DCC: variants seen among roughly 807,000 people sequenced by gnomAD.
DCC encodes netrin receptor DCC.
In DCC, 58 loss-of-function variants were observed where a neutral mutation model predicts 172.5. The observed-to-expected ratio is 0.34, with a 90% CI of 0.27 to 0.42. The LOEUF (loss-of-function observed/expected upper bound fraction) is 0.42. Ranked by LOEUF, DCC falls within the 10% of genes least tolerant of loss-of-function variation. The pLI is 1.00. For synonymous variants in DCC, 709 were observed against 644.5 expected (o/e 1.10, Z -1.52); for missense variants, 1,740 against 1,791.0 (o/e 0.97, Z 0.51).
At chr18:52,549,045 G>C (rs932031148) in intron 1 of DCC, among the ~76,000 whole-genome samples, 1 of 151,944 alleles carries the variant, frequency 6.6e-6, no homozygotes, top group Non-Finnish European at 1.5e-5. Flanking sequence ...GTGATTAGAG[G>C]AGATTAAGAT....
intron 1 of DCC, among the ~76,000 whole-genome samples, chr18:52,719,949 C>G (rs1370412827): frequency 1.3e-5 from 2 of 151,990 alleles, no homozygotes; most frequent in Non-Finnish European, 2.9e-5. Flanking sequence ...ATTTGGGGGT[C>G]CCTTCAACAA....
At chr18:53,007,185 CTT>C (rs1458307949) in intron 5 of DCC, among the ~76,000 whole-genome samples, 1 of 152,122 alleles carries the variant, frequency 6.6e-6, no homozygotes, top group Non-Finnish European at 1.5e-5. Flanking sequence ...AATATCTAGT[CTT>C]TGTTGGAAAA....
At chr18:52,883,290 T>A (rs2039513994) in intron 2 of DCC, among the ~76,000 whole-genome samples, 1 of 151,882 alleles carries the variant, frequency 6.6e-6, no homozygotes. Flanking sequence ...TTCCTGTCAC[T>A]TTGTTATTTG....
At chr18:53,483,775 T>G (rs1264024138) in intron 25 of DCC, among the ~76,000 whole-genome samples, 2 of 151,932 alleles carry the variant, frequency 1.3e-5, no homozygotes, top group African/African-American at 4.8e-5. Context: ...ACATTACAAT[T>G]AGTGTTTCTC....
At chr18:52,722,984 C>T (rs1040969351) in intron 1 of DCC, among the ~76,000 whole-genome samples, 2 of 152,118 alleles carry the variant, frequency 1.3e-5, no homozygotes, top group African/African-American at 4.8e-5. Context: ...AGGTATGCAA[C>T]TCTAGGTAAG....
intron 21 of DCC, among the ~76,000 whole-genome samples, chr18:53,417,935 G>C (rs571319758): frequency 6.6e-6 from 1 of 152,240 alleles, no homozygotes; most frequent in South Asian, 2.1e-4. Context: ...CAGTCCCTAT[G>C]ATCACACATC....
intron 5 of DCC, among the ~76,000 whole-genome samples, chr18:52,968,425 G>A (rs1450693746): frequency 6.6e-6 from 1 of 152,056 alleles, no homozygotes; most frequent in African/African-American, 2.4e-5. Flanking sequence ...GTGGTGGGTG[G>A]GTGCAGAGGG....
Position 53,425,826 on chromosome 18 carries a change from G to A in DCC, c.3164-9318G>A, listed in dbSNP as rs531691229. 2.0e-5 allele frequency among the ~76,000 whole-genome samples: 3 copies of A among 152,186 alleles called. No homozygotes were observed. In the South Asian group the frequency reaches 6.2e-4, roughly 32 times the overall value. Reference sequence around the variant, plus strand: ...GGTTAGTAATGTCTGCCTCAGAGATGCATAATTAATATTGCCATATTTATT... The same window carrying A: ...GGTTAGTAATGTCTGCCTCAGAGATACATAATTAATATTGCCATATTTATT... On this transcript the variant is annotated intron_variant, in intron 21 of 28. Coordinates refer to ENST00000442544, the MANE Select transcript of DCC (RefSeq NM_005215.4).
intron 7 of DCC, among the ~76,000 whole-genome samples, chr18:53,094,631 A>G (rs895812830): frequency 3.3e-5 from 5 of 152,170 alleles, no homozygotes; most frequent in African/African-American, 1.2e-4. Context: ...ATTTTAGATT[A>G]CTTTATATCT....
chr18:52,963,473 G>T (rs1425808195), intron 5 of DCC, among the ~76,000 whole-genome samples: 1 of 152,098 alleles, frequency 6.6e-6, no homozygotes, highest in Admixed American at 6.6e-5. Context: ...GCAAATGGAT[G>T]CAATTTAGTG....
At position 53,020,442 on chromosome 18, in the gene DCC, C is replaced by G. The variant is rs554399665; in HGVS notation, c.986-42863C>G. ...TATATTAACATGTTCATAAAAATGTCACTGTTCAAGTCTCTGAGTGTTTCG... is the reference window on the plus strand; with the variant it reads ...TATATTAACATGTTCATAAAAATGTGACTGTTCAAGTCTCTGAGTGTTTCG... On this transcript the variant is annotated intron_variant, in intron 5 of 28. Transcript: ENST00000442544. Among the ~76,000 whole-genome samples the G allele has an allele frequency of 1.6e-4, 24 of 152,258 alleles. 1 individual carries two copies. The South Asian group carries it at 4.8e-3, about 30-fold the overall frequency.
intron 2 of DCC, among the ~76,000 whole-genome samples, chr18:52,873,232 G>T (rs1187177251): frequency 2.6e-5 from 4 of 151,712 alleles, no homozygotes; most frequent in African/African-American, 7.3e-5. Context: ...TTCAACATTT[G>T]CTAGATTTGT....
chr18:53,157,984 G>A (rs1398784162), intron 8 of DCC, among the ~76,000 whole-genome samples: 1 of 152,080 alleles, frequency 6.6e-6, no homozygotes, highest in African/African-American at 2.4e-5. Context: ...TAATTGGATT[G>A]TTTGTAATGC....
intron 7 of DCC, among the ~76,000 whole-genome samples, chr18:53,145,986 C>A (rs1598847394): frequency 6.6e-6 from 1 of 152,080 alleles, no homozygotes; most frequent in Admixed American, 6.6e-5. Flanking sequence ...GTAATCCTGG[C>A]ACTTTGGGAG....
chr18:52,439,831 A>C (rs867606733), intron 1 of DCC, among the ~76,000 whole-genome samples: 1 of 152,226 alleles, frequency 6.6e-6, no homozygotes, highest in African/African-American at 2.4e-5. Context: ...AGTATTACGC[A>C]TTGCATGCCT....
intron 1 of DCC, among the ~76,000 whole-genome samples, chr18:52,404,234 C>T (rs1478312449): frequency 6.6e-6 from 1 of 151,962 alleles, no homozygotes; most frequent in East Asian, 1.9e-4. Flanking sequence ...TGATTATGTT[C>T]ATAATGTAGA....
chr18:53,337,968 C>T (rs181844416), intron 14 of DCC, among the ~76,000 whole-genome samples: 2 of 152,242 alleles, frequency 1.3e-5, no homozygotes, highest in Admixed American at 6.5e-5. Context: ...AAATAATGAA[C>T]AGAATCACTT....
chr18:52,963,194 A>G (rs2040872055), intron 5 of DCC, among the ~76,000 whole-genome samples: 1 of 151,918 alleles, frequency 6.6e-6, no homozygotes, highest in Non-Finnish European at 1.5e-5. Flanking sequence ...TTCCATTTTT[A>G]AAATATCAAG....
chr18:52,779,470 C>CA (rs34007374), intron 2 of DCC, among the ~76,000 whole-genome samples: 111,679 of 152,016 alleles, frequency 0.73, 41,260 homozygotes, highest in East Asian at 0.89. Flanking sequence ...CACGTCCCTG[C>CA]AAGGACATGA....
Sources: gnomAD v4.1 joint callset for allele counts (sites outside exome capture counted in the v4.1 genomes callset) on GRCh38, gnomAD v4.1.1 for gene constraint, MANE v1.5 for transcripts, NCBI Gene and HGNC (gene_info 2026-07-23, HGNC 2026-07-21) for gene names.